The following SHPRH variants were observed in gnomAD, a reference collection of about 807,000 sequenced individuals.
SHPRH encodes the protein SNF2 histone linker PHD RING helicase.
SHPRH carries 106 observed loss-of-function variants against 202.5 expected under a neutral mutation model. The observed-to-expected ratio is 0.52, with a 90% CI of 0.45 to 0.62. The LOEUF is 0.62. Among genes scored for constraint, SHPRH ranks in the 20% least tolerant of loss-of-function variants. The pLI is 0.00. For synonymous variants in SHPRH, 729 were observed against 686.0 expected (o/e 1.06, Z -0.98); for missense variants, 1,710 against 2,020.0 (o/e 0.85, Z 2.94).
chr6:145,964,322 A>G lies in SHPRH; in HGVS notation c.-624T>C, dbSNP rs1329877038. 1 of 152,058 alleles carries G rather than the reference A, an allele frequency of 6.6e-6. No homozygotes were observed. The highest frequency in any genetic ancestry group is 1.5e-5 in the Non-Finnish European group (1 of 68,018). 9.4% of individuals were successfully genotyped at this position (152,058 alleles called of 1,614,324 possible). ...TAGGGGTCCCCCGGGAGACCCAGAAACCACAGCGCCTAGCTGCCGGGCGCG... is the reference window on the plus strand; with the variant it reads ...TAGGGGTCCCCCGGGAGACCCAGAAGCCACAGCGCCTAGCTGCCGGGCGCG... On this transcript the variant is annotated 5_prime_UTR_variant, in exon 1 of 30. Transcript: ENST00000275233.
Position 145,921,286 on chromosome 6 carries a change from T to A in SHPRH, c.3889A>T (p.Thr1297Ser), listed in dbSNP as rs1419275161. 1 of 1,613,040 alleles carries A rather than the reference T, an allele frequency of 6.2e-7. No homozygotes were observed. The highest frequency in any genetic ancestry group is 1.7e-5 in the Admixed American group (1 of 59,820). The change falls in exon 21 of 30, where the codon ACA (threonine) becomes TCA (serine). Residue 1297 changes from threonine (T) to serine (S), a missense_variant. Thr to Ser is a moderately conservative substitution (Grantham distance 58). Transcript: ENST00000275233. ...TTRGLWAISE[T>S]ERSMKAILSF... ...AGTATTGCTTTCATAGATCGCTCTG[T>A]CTCACTTATTGCCCAGAGACCCCGG...
intron 23 of SHPRH, among the ~76,000 whole-genome samples, chr6:145,916,143 C>G (rs1298942685): frequency 2.6e-5 from 4 of 152,022 alleles, no homozygotes; most frequent in Non-Finnish European, 5.9e-5. Flanking sequence ...TTTTTGATTT[C>G]AGATACTGTA....
At chr6:145,869,212 G>C (rs539857071) in intron 2 of SHPRH, among the ~76,000 whole-genome samples, 1 of 152,046 alleles carries the variant, frequency 6.6e-6, no homozygotes, top group Non-Finnish European at 1.5e-5. Flanking sequence ...TCTTATTGTT[G>C]AGCTTTAAGT....
At chr6:145,926,795 G>C (rs1210282574) in intron 15 of SHPRH, among the ~76,000 whole-genome samples, 1 of 151,854 alleles carries the variant, frequency 6.6e-6, no homozygotes, top group East Asian at 1.9e-4. Flanking sequence ...TCTCCCTAAA[G>C]ACCTCTAAAA....
chr6:145,860,140 C>T (rs982809308), downstream of SHPRH, among the ~76,000 whole-genome samples: 2 of 152,008 alleles, frequency 1.3e-5, no homozygotes, highest in African/African-American at 4.8e-5. Flanking sequence ...GATGTCCTCT[C>T]TCACCACATC....
At chr6:145,873,196 A>T (rs2265915) in intron 2 of SHPRH, among the ~76,000 whole-genome samples, 55,534 of 150,362 alleles carry the variant, frequency 0.37, 10,623 homozygotes, top group South Asian at 0.48. Flanking sequence ...AGTTGGAAAT[A>T]AAAAAAAAAG....
At chr6:145,888,312 G>A (rs953548179) in intron 28 of SHPRH, among the ~76,000 whole-genome samples, 1 of 152,112 alleles carries the variant, frequency 6.6e-6, no homozygotes. Flanking sequence ...AAAAGAGTAA[G>A]ACGGTTTCAG....
chr6:145,957,659 C>T (rs1767906160), intron 1 of SHPRH, among the ~76,000 whole-genome samples: 1 of 152,104 alleles, frequency 6.6e-6, no homozygotes, highest in African/African-American at 2.4e-5. Context: ...CAATGAGATG[C>T]CACTATTCAT....
At chr6:145,869,527 T>C (rs954152534) in intron 2 of SHPRH, among the ~76,000 whole-genome samples, 1 of 152,212 alleles carries the variant, frequency 6.6e-6, no homozygotes, top group Non-Finnish European at 1.5e-5. Context: ...AGGGTATAGA[T>C]CCAGTGATTT....
chr6:145,943,339 T>C lies in SHPRH; in HGVS notation c.2042A>G (p.His681Arg), dbSNP rs1786998199. 1.2e-6 allele frequency: 2 copies of C among 1,613,874 alleles called. No individual in the cohort carries two copies. The highest frequency in any genetic ancestry group is 1.7e-6 in the Non-Finnish European group (2 of 1,179,928). The change falls in exon 9 of 30, where the codon CAC becomes CGC. Residue 681 changes from histidine (H) to arginine (R), a missense_variant. Coordinates refer to ENST00000275233, the MANE Select transcript of SHPRH (RefSeq NM_001042683.3). Reference sequence around the variant, plus strand: ...CACACACTTTGCATGTTGCCACAGGTGACACTTCAGGCATTGAACACGAGG... The same window carrying C: ...CACACACTTTGCATGTTGCCACAGGCGACACTTCAGGCATTGAACACGAGG... ...RKPRVQCLKC[H>R]LWQHAKCVNY... is the part of the protein sequence containing the mutation.
At chr6:145,952,243 A>T (rs1470174860) in intron 3 of SHPRH, 106 bp downstream of exon 3, 1 of 1,012,750 alleles carries the variant, frequency 9.9e-7, no homozygotes, top group Non-Finnish European at 1.4e-6. Context: ...TTTAATTTTT[A>T]TTATGGCTTT....
In SHPRH at chr6:145,923,799, A is replaced by G. The variant is rs1430701562; in HGVS notation, c.3403-14T>C. 2 of 1,605,950 alleles carry G rather than the reference A, an allele frequency of 1.2e-6. No homozygotes were observed. Among genetic ancestry groups the G allele is most frequent in the Admixed American group, 1.7e-5 (1 of 59,048 alleles). On this transcript the variant is annotated splice_polypyrimidine_tract_variant and intron_variant, in intron 17 of 29. Transcript: ENST00000275233. ...ATTAGAATGAATCTGTAAAAAAGGT[A>G]GCAGTTAATCAATTAATACATTTTT...
intron 16 of SHPRH, among the ~76,000 whole-genome samples, chr6:145,925,540 C>T (rs922225552): frequency 4.6e-5 from 7 of 151,750 alleles, no homozygotes; most frequent in African/African-American, 1.7e-4. Context: ...AAAGGCTGTG[C>T]TTATTTATAT....
At position 145,885,107 on chromosome 6, in the gene SHPRH, A is replaced by G. The variant is rs1455486615; in HGVS notation, c.*1584T>C. On this transcript the variant is annotated 3_prime_UTR_variant, in exon 30 of 30. Transcript: ENST00000275233. ...TCAGGGGACCTGGGCTCCACTGTTT[A>G]CTTGCTACATGTCCTAAGAAAGTTT... is the stretch of plus-strand genomic sequence containing the variant. 6.6e-6 allele frequency: 1 copy of G among 152,182 alleles called. No individual in the cohort carries two copies. The highest frequency in any genetic ancestry group is 1.5e-5 in the Non-Finnish European group (1 of 68,014). 9.4% of individuals were successfully genotyped at this position (152,182 alleles called of 1,614,324 possible). A position where few individuals can be genotyped will look rare whatever the true frequency, so the allele number is the denominator to read the frequency against.
Position 145,941,834 on chromosome 6 carries a change from T to C in SHPRH, c.2279A>G (p.His760Arg). The part of the protein sequence containing the change: ...GVKKDGFLQP[H>R]FLAEQDIVII... ...AACTATATCCTGTTCTGCCAAAAAA[T>C]GAGGTTGTAAAAAGCCATCTTTCTT... The change falls in exon 10 of 30, where the codon CAT (histidine) becomes CGT (arginine). Residue 760 changes from histidine to arginine, a missense_variant. By Grantham distance (29) the His-to-Arg change is conservative. Around this residue, in one of 8 missense-constraint regions of SHPRH, gnomAD observed 277 missense variants for 363.0 expected, o/e 0.76. Coordinates refer to ENST00000275233, the MANE Select transcript of SHPRH (RefSeq NM_001042683.3). The C allele has an allele frequency of 2.5e-6, 4 of 1,613,890 alleles. No individual in the cohort carries two copies. The highest frequency in any genetic ancestry group is 3.4e-6 in the Non-Finnish European group (4 of 1,179,916).
At position 145,926,327 on chromosome 6, in the gene SHPRH, C is replaced by G. The variant is rs544322061; in HGVS notation, c.3202-31G>C. On this transcript the variant is annotated intron_variant, in intron 15 of 29. Transcript: ENST00000275233. ...AACATATCAAAGGCAGTAATTATGA[C>G]AGTCAATGCAGAAGACTCTGAAGAG... 1.1e-5 allele frequency: 17 copies of G among 1,575,786 alleles called. No homozygotes were observed. In the East Asian group the frequency reaches 1.1e-4, roughly 10 times the overall value.
At chr6:145,942,154 T>C (rs1786851927) in intron 9 of SHPRH, among the ~76,000 whole-genome samples, 1 of 152,144 alleles carries the variant, frequency 6.6e-6, no homozygotes, top group Admixed American at 6.6e-5. Flanking sequence ...AGTTAAAACC[T>C]GAGGTATATC....
At chr6:145,949,279 A>G (rs1444410857) in intron 4 of SHPRH, among the ~76,000 whole-genome samples, 1 of 152,074 alleles carries the variant, frequency 6.6e-6, no homozygotes, top group Non-Finnish European at 1.5e-5. Flanking sequence ...TTGAAGTACA[A>G]ATTCACAATT....
chr6:145,882,075 AAC>A (rs1270859289), downstream of SHPRH, among the ~76,000 whole-genome samples: 2 of 151,942 alleles, frequency 1.3e-5, no homozygotes, highest in Admixed American at 6.6e-5. Context: ...CACCCTGGGT[AAC>A]AGAGACTGTG....
Sources: gnomAD v4.1 joint callset for allele counts (sites outside exome capture counted in the v4.1 genomes callset) on GRCh38, gnomAD v4.1.1 for gene constraint, gnomAD v4.1.1 regional missense constraint, MANE v1.5 for transcripts, NCBI Gene and HGNC (gene_info 2026-07-23, HGNC 2026-07-21) for gene names.